Variants in EML6 observed in about 807,000 individuals in gnomAD.
The protein encoded by EML6 is echinoderm microtubule-associated protein-like 6.
A neutral mutation model predicts 240.1 loss-of-function variants in EML6; 154 were observed. The observed-to-expected ratio is 0.64, with a 90% confidence interval of 0.56 to 0.73. The LOEUF is 0.73. EML6 is among the 30% of genes least tolerant of loss of function. The pLI, the probability that EML6 is intolerant of heterozygous loss-of-function variation, is 0.00. For synonymous variants in EML6, 1,148 were observed against 899.0 expected (o/e 1.28, Z -4.95); for missense variants, 2,964 against 2,474.6 (o/e 1.20, Z -4.20).
intron 2 of EML6, among the ~76,000 whole-genome samples, chr2:54,771,414 G>A (rs923616252): frequency 1.6e-4 from 25 of 152,190 alleles, no homozygotes; most frequent in African/African-American, 6.0e-4. Flanking sequence ...CACCGTGTCA[G>A]CAGTTATTCA....
intron 28 of EML6, among the ~76,000 whole-genome samples, chr2:54,930,685 G>C (rs935424520): frequency 6.6e-6 from 1 of 152,170 alleles, no homozygotes; most frequent in Admixed American, 6.5e-5. Flanking sequence ...TCTGTAGAGA[G>C]CAGCTTCCTA....
intron 28 of EML6, among the ~76,000 whole-genome samples, chr2:54,939,670 G>A (rs1473597210): frequency 1.3e-5 from 2 of 152,212 alleles, no homozygotes; most frequent in African/African-American, 4.8e-5. Flanking sequence ...GCCCCTGCCT[G>A]GGTTCTGCTC....
chr2:54,786,775 A>G (rs1669118065), intron 2 of EML6, among the ~76,000 whole-genome samples: 1 of 152,238 alleles, frequency 6.6e-6, no homozygotes, highest in South Asian at 2.1e-4. Flanking sequence ...GCTGGTCTCT[A>G]AAGCCCAGGT....
intron 4 of EML6, among the ~76,000 whole-genome samples, chr2:54,817,837 C>T (rs1223162360): frequency 2.0e-5 from 3 of 151,070 alleles, no homozygotes; most frequent in Admixed American, 6.6e-5. Context: ...GCACATTGAT[C>T]TATGGAGGTT....
intron 21 of EML6, among the ~76,000 whole-genome samples, chr2:54,898,574 T>C (rs894447597): frequency 9.9e-5 from 15 of 152,218 alleles, no homozygotes; most frequent in African/African-American, 3.6e-4. Context: ...TGAATGTCAG[T>C]TGTATTTGGA....
rs1171561581 is a variant in EML6, at chr2:54,950,929, C to T, written c.4213+150C>T. 2.8e-5 allele frequency: 24 copies of T among 852,552 alleles called. No individual in the cohort carries two copies. The East Asian group carries it at 5.8e-4, about 21-fold the overall frequency. The allele number at this position is 852,552 out of a possible 1,614,324, so 52.8% of individuals were successfully genotyped here. A position where few individuals can be genotyped will look rare whatever the true frequency, so the allele number is the denominator to read the frequency against. On this transcript the variant is annotated intron_variant, in intron 30 of 41. Transcript: ENST00000356458. ...GCATGGTCTCAGTTAGGCCTGGTAA[C>T]GCTCAGGTTCAGTTACCAGAGTCAG...
In EML6 at chr2:54,901,372, C is replaced by A. The variant is rs1372647021; in HGVS notation, c.3124+1590C>A. 3.9e-5 allele frequency among the ~76,000 whole-genome samples: 6 copies of A among 152,262 alleles called. No homozygotes were observed. In the South Asian group the frequency reaches 1.2e-3, roughly 32 times the overall value. On this transcript the variant is annotated intron_variant, in intron 22 of 41. Transcript: ENST00000356458. ...GATTTCCCAAATCTAAGTCCAAAGC[C>A]CATGCTCGTAATCACTACAGGCTAG...
chr2:54,830,915 T>C (rs1460860319), intron 7 of EML6, among the ~76,000 whole-genome samples: 1 of 152,142 alleles, frequency 6.6e-6, no homozygotes, highest in African/African-American at 2.4e-5. Context: ...GGCACAGAGT[T>C]TGGCATAGGA....
intron 41 of EML6, among the ~76,000 whole-genome samples, chr2:54,969,829 T>C (rs952473991): frequency 6.6e-6 from 1 of 152,100 alleles, no homozygotes; most frequent in Non-Finnish European, 1.5e-5. Context: ...CGGACCAACA[T>C]TTAGCACAGA....
chr2:54,743,575 T>C (rs1338190851), intron 2 of EML6, among the ~76,000 whole-genome samples: 5 of 152,182 alleles, frequency 3.3e-5, no homozygotes, highest in African/African-American at 1.2e-4. Flanking sequence ...ATGTTCTTTC[T>C]ATTACATGGG....
intron 37 of EML6, 56 bp downstream of exon 37, chr2:54,964,214 G>T (rs979383235): frequency 9.0e-5 from 136 of 1,506,404 alleles, no homozygotes; most frequent in Non-Finnish European, 1.2e-4. Flanking sequence ...CTGCTTACCA[G>T]TGGTTCCCAT....
chr2:54,822,954 G>A (rs1319034355), intron 5 of EML6, among the ~76,000 whole-genome samples: 1 of 152,142 alleles, frequency 6.6e-6, no homozygotes, highest in African/African-American at 2.4e-5. Context: ...GCCCTGATGT[G>A]TATATTTTTA....
intron 24 of EML6, among the ~76,000 whole-genome samples, chr2:54,908,869 G>T (rs77271973): frequency 2.0e-5 from 3 of 152,076 alleles, no homozygotes. Context: ...ACATCTGCCC[G>T]CAGAGTATAA....
rs1472428162 is a variant in EML6 at position 54,971,545 on chromosome 2, G to A, written c.*1450G>A. 3 of 152,194 alleles carry A rather than the reference G, an allele frequency of 2.0e-5. No homozygotes were observed. The highest frequency in any genetic ancestry group is 4.4e-5 in the Non-Finnish European group (3 of 68,034). The allele number at this position is 152,194 out of a possible 1,614,324, so 9.4% of individuals were successfully genotyped here. A position where few individuals can be genotyped will look rare whatever the true frequency, so the allele number is the denominator to read the frequency against. On this transcript the variant is annotated 3_prime_UTR_variant, in exon 42 of 42. Transcript: ENST00000356458. ...GAATAGACTAACATTTACCACAGAA[G>A]TGCTTCAGCATTCTAAATGGATTAG...
intron 2 of EML6, among the ~76,000 whole-genome samples, chr2:54,749,435 G>A (rs1238346175): frequency 6.6e-6 from 1 of 151,534 alleles, no homozygotes; most frequent in Non-Finnish European, 1.5e-5. Context: ...ACATAAATAG[G>A]GATTTATCAT....
chr2:54,734,865 T>A (rs1683325075), intron 2 of EML6, among the ~76,000 whole-genome samples: 1 of 152,214 alleles, frequency 6.6e-6, no homozygotes, highest in Non-Finnish European at 1.5e-5. Context: ...TAAAACTTGC[T>A]TAAGGCTCCT....
chr2:54,835,023 G>A (rs983646883), intron 7 of EML6, among the ~76,000 whole-genome samples: 1 of 152,118 alleles, frequency 6.6e-6, no homozygotes, highest in Non-Finnish European at 1.5e-5. Flanking sequence ...GCGCTGCTTC[G>A]CCCTGGCTGC....
chr2:54,898,258 A>T (rs1672873989), intron 21 of EML6, among the ~76,000 whole-genome samples: 1 of 152,104 alleles, frequency 6.6e-6, no homozygotes, highest in Non-Finnish European at 1.5e-5. Context: ...TTACACGGGG[A>T]TTAAAATAAA....
rs375286045 is a variant in EML6, at chr2:54,957,947, G to A, written c.4644G>A (p.Gly1548=). ...SALLYKKGVI[G]SLGAAKMQTM... ...TGCTTTACAAGAAAGGGGTCATCGGGTCCCTGGGAGCTGCCAAAATGCAGA... is the reference window on the plus strand; with the variant it reads ...TGCTTTACAAGAAAGGGGTCATCGGATCCCTGGGAGCTGCCAAAATGCAGA... The change falls in exon 33 of 42, where the codon GGG becomes GGA. Residue 1548 remains glycine, a synonymous_variant. Coordinates refer to ENST00000356458, the MANE Select transcript of EML6 (RefSeq NM_001039753.4). The A allele has an allele frequency of 3.2e-6, 5 of 1,551,626 alleles. No homozygotes were observed. Among genetic ancestry groups the A allele is most frequent in the East Asian group, 2.4e-5 (1 of 40,916 alleles).
Sources: gnomAD v4.1 joint callset for allele counts (sites outside exome capture counted in the v4.1 genomes callset) on GRCh38, gnomAD v4.1.1 for gene constraint, MANE v1.5 for transcripts, NCBI Gene and HGNC (gene_info 2026-07-23, HGNC 2026-07-21) for gene names.